The following WWOX variants were observed in gnomAD, a reference collection of about 807,000 sequenced individuals.
The protein encoded by WWOX is WW domain containing oxidoreductase.
WWOX carries 69 observed loss-of-function variants against 46.2 expected under a neutral mutation model. The observed-to-expected ratio is 1.49, with a 90% CI of 1.23 to 1.82. The LOEUF is 1.82. WWOX is among the 40% of genes most tolerant of loss of function. WWOX has a pLI of 0.00. For synonymous variants in WWOX, 359 were observed against 202.6 expected (o/e 1.77, Z -6.56); for missense variants, 919 against 542.6 (o/e 1.69, Z -6.89).
At chr16:79,024,249 T>C (rs745470088) in intron 8 of WWOX, among the ~76,000 whole-genome samples, 5 of 152,120 alleles carry the variant, frequency 3.3e-5, no homozygotes, top group Non-Finnish European at 7.4e-5. Context: ...GTGAATTTTA[T>C]TTTATGTCTT....
chr16:79,169,952 C>T (rs753055988), intron 8 of WWOX, among the ~76,000 whole-genome samples: 1 of 152,200 alleles, frequency 6.6e-6, no homozygotes, highest in Non-Finnish European at 1.5e-5. Context: ...CTCAGCAGAA[C>T]TGGCTCTGTT....
At chr16:79,073,424 C>G (rs1046678458) in intron 8 of WWOX, among the ~76,000 whole-genome samples, 1 of 152,082 alleles carries the variant, frequency 6.6e-6, no homozygotes, top group Non-Finnish European at 1.5e-5. Context: ...AGGTGATCCA[C>G]CCAACTCGGC....
At chr16:78,531,025 A>C (rs1281166282) in intron 8 of WWOX, among the ~76,000 whole-genome samples, 1 of 152,240 alleles carries the variant, frequency 6.6e-6, no homozygotes, top group Non-Finnish European at 1.5e-5. Flanking sequence ...TATGGTCTTT[A>C]TCACTTCTCC....
chr16:79,146,176 G>C (rs974586319), intron 8 of WWOX, among the ~76,000 whole-genome samples: 1 of 152,198 alleles, frequency 6.6e-6, no homozygotes, highest in African/African-American at 2.4e-5. Context: ...AATTTAGTCA[G>C]ATGAGCTCTT....
chr16:78,411,836 C>T (rs374377117), intron 6 of WWOX, among the ~76,000 whole-genome samples: 27 of 152,192 alleles, frequency 1.8e-4, no homozygotes, highest in African/African-American at 6.0e-4. Flanking sequence ...AGCAGCTGAG[C>T]CTGGGATGGG....
chr16:78,377,098 C>G (rs1052119110), intron 5 of WWOX, among the ~76,000 whole-genome samples: 2 of 152,210 alleles, frequency 1.3e-5, no homozygotes, highest in African/African-American at 4.8e-5. Flanking sequence ...TGGGAAGTTC[C>G]AGTGCTTAAC....
At chr16:79,010,678 G>C (rs2047285538) in intron 8 of WWOX, among the ~76,000 whole-genome samples, 1 of 152,178 alleles carries the variant, frequency 6.6e-6, no homozygotes, top group African/African-American at 2.4e-5. Flanking sequence ...GTTTCTCTGG[G>C]TGGTCAAGGA....
At chr16:78,240,308 A>G (rs1221088157) in intron 5 of WWOX, among the ~76,000 whole-genome samples, 1 of 149,468 alleles carries the variant, frequency 6.7e-6, no homozygotes, top group Non-Finnish European at 1.5e-5. Flanking sequence ...GCAAGACCCC[A>G]TCTCTTAAAA....
intron 8 of WWOX, among the ~76,000 whole-genome samples, chr16:78,768,828 G>T (rs1000165411): frequency 2.6e-5 from 4 of 152,228 alleles, no homozygotes; most frequent in Admixed American, 6.5e-5. Context: ...ATGAGGTACT[G>T]ACCCTGAAGG....
At chr16:78,618,434 T>C (rs894764396) in intron 8 of WWOX, among the ~76,000 whole-genome samples, 19 of 152,200 alleles carry the variant, frequency 1.2e-4, no homozygotes, top group African/African-American at 4.6e-4. Context: ...CCATCTTCTC[T>C]GTCTTCACAT....
At chr16:79,185,199 A>C (rs1269835591) in intron 8 of WWOX, among the ~76,000 whole-genome samples, 1 of 152,198 alleles carries the variant, frequency 6.6e-6, no homozygotes, top group Non-Finnish European at 1.5e-5. Context: ...CTAGTTTCAG[A>C]ATACTTGGAC....
intron 5 of WWOX, among the ~76,000 whole-genome samples, chr16:78,178,837 C>T (rs2035434544): frequency 6.7e-6 from 1 of 148,802 alleles, no homozygotes; most frequent in African/African-American, 2.5e-5. Context: ...GCATTCCAGC[C>T]TGGGCGACAG....
intron 8 of WWOX, among the ~76,000 whole-genome samples, chr16:78,501,542 C>CTT (rs1174623592): frequency 2.5e-4 from 36 of 145,456 alleles, no homozygotes; most frequent in East Asian, 2.0e-4. Context: ...CTTTTTCTTT[C>CTT]TTTTTTTTTT....
intron 8 of WWOX, among the ~76,000 whole-genome samples, chr16:79,081,530 G>T (rs2048760253): frequency 6.6e-6 from 1 of 152,108 alleles, no homozygotes; most frequent in Non-Finnish European, 1.5e-5. Flanking sequence ...CTTGTACTTT[G>T]GAATCAAACA....
intron 8 of WWOX, among the ~76,000 whole-genome samples, chr16:78,461,430 G>C (rs1176510782): frequency 1.3e-5 from 2 of 152,222 alleles, no homozygotes; most frequent in African/African-American, 2.4e-5. Flanking sequence ...AGATGGTAGA[G>C]AATTCTGGGC....
rs571425198 is a variant in WWOX at position 78,528,917 on chromosome 16, T to A, written c.1056+96165T>A. ...GTCAGTTGTTTAGAAAAAAACTTTCTTTTTTTTTTCTTTCCTTTTTCTTTT... is the reference window on the plus strand; with the variant it reads ...GTCAGTTGTTTAGAAAAAAACTTTCATTTTTTTTTCTTTCCTTTTTCTTTT... On this transcript the variant is annotated intron_variant, in intron 8 of 8. Transcript: ENST00000566780. Among the ~76,000 whole-genome samples, 917 of 145,734 alleles carry A rather than the reference T, an allele frequency of 6.3e-3. 3 individuals carry two copies. The highest frequency in any genetic ancestry group is 0.01 in the Non-Finnish European group (660 of 65,588).
intron 5 of WWOX, among the ~76,000 whole-genome samples, chr16:78,346,328 A>C (rs530150042): frequency 8.2e-6 from 1 of 121,424 alleles, no homozygotes; most frequent in South Asian, 2.5e-4. Flanking sequence ...TTGTAAATGG[A>C]TACTAATGTG....
chr16:78,525,179 CTTTTCTTTTTTTT>C (rs1219277163), intron 8 of WWOX: 3 of 112,516 alleles, frequency 2.7e-5, no homozygotes, highest in Non-Finnish European at 3.5e-5. Context: ...TTTTGTTTTT[CTTTTCTTTTTTTT>C]TTTTTTTTTT....
chr16:78,186,746 C>T (rs1372142589), intron 5 of WWOX, among the ~76,000 whole-genome samples: 1 of 152,184 alleles, frequency 6.6e-6, no homozygotes, highest in Non-Finnish European at 1.5e-5. Flanking sequence ...GCCTGGGTGA[C>T]AAAGTGAGAC....
Sources: allele counts gnomAD v4.1 joint callset (sites outside exome capture counted in the v4.1 genomes callset), GRCh38; gene constraint gnomAD v4.1.1; transcripts MANE v1.5; gene names NCBI Gene and HGNC (gene_info 2026-07-23, HGNC 2026-07-21).